Variants in RBFOX1 observed in about 807,000 individuals in gnomAD.
The protein encoded by RBFOX1 is RNA binding fox-1 homolog 1.
A neutral mutation model predicts 57.7 loss-of-function variants in RBFOX1; 8 were observed. The ratio of observed to expected loss-of-function variants is 0.14; its 90% CI spans 0.08 to 0.25. The LOEUF (loss-of-function observed/expected upper bound fraction) is 0.25. Among genes scored for constraint, RBFOX1 ranks in the 10% least tolerant of loss-of-function variants. RBFOX1 has a pLI of 1.00. For missense variants in RBFOX1, 611 were observed against 548.5 expected (o/e 1.11, Z -1.14); for synonymous variants, 326 against 222.4 (o/e 1.47, Z -4.15).
intron 3 of RBFOX1, among the ~76,000 whole-genome samples, chr16:5,626,597 A>G (rs573230323): frequency 6.6e-6 from 1 of 152,164 alleles, no homozygotes; most frequent in South Asian, 2.1e-4. Context: ...TTCCTCTCCA[A>G]AATCCTTTGT....
At chr16:7,564,245 A>G (rs940743256) in intron 5 of RBFOX1, among the ~76,000 whole-genome samples, 1 of 152,180 alleles carries the variant, frequency 6.6e-6, no homozygotes, top group Non-Finnish European at 1.5e-5. Context: ...AGAACACAGA[A>G]AAAAGGCACT....
intron 4 of RBFOX1, among the ~76,000 whole-genome samples, chr16:7,174,011 T>C (rs1249892108): frequency 6.6e-6 from 1 of 152,178 alleles, no homozygotes. Context: ...AGTGAACTGG[T>C]TGGAGTATAT....
chr16:6,317,714 A>G (rs568397465), intron 2 of RBFOX1, among the ~76,000 whole-genome samples: 1 of 152,088 alleles, frequency 6.6e-6, no homozygotes, highest in South Asian at 2.1e-4. Flanking sequence ...CTCTTTTTTT[A>G]TATGCAGATA....
intron 1 of RBFOX1, among the ~76,000 whole-genome samples, chr16:5,443,436 C>G (rs2151545047): frequency 6.6e-6 from 1 of 152,308 alleles, no homozygotes; most frequent in Non-Finnish European, 1.5e-5. Flanking sequence ...CTCCTGGGTT[C>G]AAGTGATTCT....
chr16:7,408,777 C>T (rs1422171456), intron 4 of RBFOX1, among the ~76,000 whole-genome samples: 1 of 152,114 alleles, frequency 6.6e-6, no homozygotes, highest in Non-Finnish European at 1.5e-5. Flanking sequence ...CAGTAGCATC[C>T]CCTCCCTCCT....
intron 3 of RBFOX1, among the ~76,000 whole-genome samples, chr16:6,676,974 C>A (rs1369738904): frequency 6.6e-6 from 1 of 152,084 alleles, no homozygotes; most frequent in East Asian, 1.9e-4. Flanking sequence ...CCATGCCCAG[C>A]CGTTAACTCA....
chr16:5,984,984 T>A lies in RBFOX1; in HGVS notation c.351+117649T>A, dbSNP rs1394712209. On this transcript the variant is annotated intron_variant, in intron 4 of 19. Transcript: ENST00000641259. ...TATATATATATATATATATTTTTTTTTTTTTTTTTTTTCTTTGAGACAGAG... is the reference window on the plus strand; with the variant it reads ...TATATATATATATATATATTTTTTTATTTTTTTTTTTTCTTTGAGACAGAG... Among the ~76,000 whole-genome samples the A allele has an allele frequency of 1.3e-3, 160 of 122,902 alleles. No individual in the cohort carries two copies. In the East Asian group the frequency reaches 0.017, roughly 13 times the overall value. 80.6% of individuals were successfully genotyped at this position (122,902 alleles called of 152,430 possible).
chr16:7,269,515 T>C (rs1017309728), intron 4 of RBFOX1, among the ~76,000 whole-genome samples: 4 of 152,144 alleles, frequency 2.6e-5, no homozygotes, highest in Non-Finnish European at 5.9e-5. Flanking sequence ...ATTTGACTGA[T>C]AGTGAATTTT....
At chr16:7,431,191 C>G (rs560325724) in intron 4 of RBFOX1, 2 of 152,236 alleles carry the variant, frequency 1.3e-5, no homozygotes, top group African/African-American at 2.4e-5. Context: ...TTAACTCTAA[C>G]AAGGGATCCT....
rs540521086 is a variant in RBFOX1 at position 7,488,654 on chromosome 16, G to A, written c.28-29493G>A. ...TACCTATCACTCTATTTGTCTGTAC[G>A]TACATCAATCTGTCCATCATCTATC... On this transcript the variant is annotated intron_variant, in intron 4 of 15. Transcript: ENST00000550418. Among the ~76,000 whole-genome samples, 15 of 151,910 alleles carry A rather than the reference G, an allele frequency of 9.9e-5. No individual in the cohort carries two copies. In the South Asian group the frequency reaches 1.7e-3, roughly 17 times the overall value.
At chr16:6,293,693 G>A (rs7202627) in intron 1 of RBFOX1, among the ~76,000 whole-genome samples, 119,370 of 152,090 alleles carry the variant, frequency 0.78, 47,106 homozygotes, top group East Asian at 0.99. Context: ...TTCAGCCCTC[G>A]TCGCCTGGTA....
chr16:7,359,346 T>C (rs2097276050), intron 4 of RBFOX1, among the ~76,000 whole-genome samples: 1 of 152,190 alleles, frequency 6.6e-6, no homozygotes, highest in South Asian at 2.1e-4. Context: ...AAGCACCTGT[T>C]ATATGCCATC....
At chr16:6,650,593 C>T (rs910621492) in intron 2 of RBFOX1, among the ~76,000 whole-genome samples, 2 of 152,096 alleles carry the variant, frequency 1.3e-5, no homozygotes, top group East Asian at 1.9e-4. Context: ...GTTCCTGGCA[C>T]GAAAGAGGTA....
intron 3 of RBFOX1, among the ~76,000 whole-genome samples, chr16:6,784,179 C>G (rs961626448): frequency 2.6e-5 from 4 of 152,136 alleles, no homozygotes; most frequent in Admixed American, 6.5e-5. Flanking sequence ...GAAAAGTTGT[C>G]TGTTATTTTT....
At chr16:6,945,081 C>G (rs1598009275) in intron 3 of RBFOX1, among the ~76,000 whole-genome samples, 1 of 152,056 alleles carries the variant, frequency 6.6e-6, no homozygotes, top group African/African-American at 2.4e-5. Flanking sequence ...GAAGACAGAG[C>G]AGGGGCCAGC....
intron 3 of RBFOX1, among the ~76,000 whole-genome samples, chr16:5,807,933 A>T (rs1159691525): frequency 6.6e-6 from 1 of 151,934 alleles, no homozygotes; most frequent in East Asian, 1.9e-4. Flanking sequence ...ACCACCATAA[A>T]CCTTGTATCT....
chr16:7,381,778 A>G (rs913114731), intron 4 of RBFOX1, among the ~76,000 whole-genome samples: 2 of 152,180 alleles, frequency 1.3e-5, no homozygotes, highest in African/African-American at 2.4e-5. Context: ...TACTGTTTAT[A>G]TCACGGTTTC....
intron 1 of RBFOX1, among the ~76,000 whole-genome samples, chr16:5,441,607 C>G (rs1218705043): frequency 6.6e-6 from 1 of 152,116 alleles, no homozygotes; most frequent in Non-Finnish European, 1.5e-5. Context: ...TTAAGTGATT[C>G]ACCCACCTTG....
At chr16:6,061,081 A>G (rs574447849) in intron 1 of RBFOX1, among the ~76,000 whole-genome samples, 2 of 152,148 alleles carry the variant, frequency 1.3e-5, no homozygotes, top group East Asian at 3.9e-4. Context: ...ACTTACTGAC[A>G]ACAGAACCTG....
Sources: allele counts gnomAD v4.1 joint callset (sites outside exome capture counted in the v4.1 genomes callset), GRCh38; gene constraint gnomAD v4.1.1; transcripts MANE v1.5; gene names NCBI Gene and HGNC (gene_info 2026-07-23, HGNC 2026-07-21).